The following TNFRSF18 variants were observed in gnomAD, a reference collection of about 807,000 sequenced individuals.
TNFRSF18 encodes TNF receptor superfamily member 18, also known as tumor necrosis factor receptor superfamily member 18.
A neutral mutation model predicts 30.2 loss-of-function variants in TNFRSF18; 36 were observed. The ratio of observed to expected loss-of-function variants is 1.19; its 90% confidence interval spans 0.91 to 1.58. The LOEUF is 1.58. TNFRSF18 is among the 40% of genes most tolerant of loss of function. The pLI, the probability that TNFRSF18 is intolerant of heterozygous loss-of-function variation, is 0.00. For missense variants in TNFRSF18, 369 were observed against 345.4 expected (o/e 1.07, Z -0.54); for synonymous variants, 173 against 158.3 (o/e 1.09, Z -0.70).
At chr1:1,205,243 G>A in intron 2 of TNFRSF18, 127 bp downstream of exon 2, 3 of 1,420,262 alleles carry the variant, frequency 2.1e-6, no homozygotes, top group South Asian at 1.3e-5. Flanking sequence ...GGCCTGCCCG[G>A]CCTCACAGGA....
At chr1:1,205,768 C>A in intron 1 of TNFRSF18, 1 of 465,944 alleles carries the variant, frequency 2.1e-6, no homozygotes, top group South Asian at 2.3e-5. Context: ...CCCTGCAGGA[C>A]CCAGGGGTGG....
rs1243848392 is a variant in TNFRSF18 at position 1,203,798 on chromosome 1, T to C, written c.*46A>G. The C allele has an allele frequency of 6.4e-7, 1 of 1,573,830 alleles. No homozygotes were observed. Among genetic ancestry groups the C allele is most frequent in the Admixed American group, 1.8e-5 (1 of 56,184 alleles). ...GAGCCCCTGCGGCCTGGGGAGCTCC[T>C]GGGGAGGGGCTGGCTGCGGTCGGTG... On this transcript the variant is annotated 3_prime_UTR_variant, in exon 5 of 5. Transcript: ENST00000379268.
Position 1,203,661 on chromosome 1 carries a change from C to A in TNFRSF18, c.*183G>T. 1 of 1,549,668 alleles carries A rather than the reference C, an allele frequency of 6.5e-7. No homozygotes were observed. Among genetic ancestry groups the A allele is most frequent in the Non-Finnish European group, 8.7e-7 (1 of 1,155,698 alleles). On this transcript the variant is annotated 3_prime_UTR_variant, in exon 5 of 5. Transcript: ENST00000379268. Reference sequence around the variant, plus strand: ...TGACTGTGTCTCTCTCTCCCTCCTGCAGGGCCCAGCCGCGGCCGCCGAACT... The same window carrying A: ...TGACTGTGTCTCTCTCTCCCTCCTGAAGGGCCCAGCCGCGGCCGCCGAACT...
In TNFRSF18 at chr1:1,204,447, G is replaced by A. The variant is rs201425967; in HGVS notation, c.350C>T (p.Ser117Leu). ...SFGFQCIDCA[S>L]GTFSGGHEGH... ...TTCGTGGCCCCCGGAGAAGGTCCCC[G>A]AGGCACAGTCGATACACTGGAAGCC... is the stretch of plus-strand genomic sequence containing the variant. The change falls in exon 3 of 5, where the codon TCG (serine) becomes TTG (leucine). Residue 117 changes from serine (S) to leucine (L), a missense_variant. Ser to Leu is a moderately radical substitution (Grantham distance 145). Coordinates refer to ENST00000379268, the MANE Select transcript of TNFRSF18 (RefSeq NM_004195.3). 1.6e-5 allele frequency: 25 copies of A among 1,612,280 alleles called. No homozygotes were observed. The highest frequency in any genetic ancestry group is 5.3e-5 in the African/African-American group (4 of 74,974).
At chr1:1,204,299 T>C in intron 3 of TNFRSF18, 63 bp from the exon 4 acceptor site, 2 of 1,591,818 alleles carry the variant, frequency 1.3e-6, no homozygotes, top group African/African-American at 2.7e-5. Flanking sequence ...AGCCCCCGGC[T>C]GCTGCCCTCC....
Position 1,203,715 on chromosome 1 carries a change from C to A in TNFRSF18, c.*129G>T. On this transcript the variant is annotated 3_prime_UTR_variant, in exon 5 of 5. Coordinates refer to ENST00000379268, the MANE Select transcript of TNFRSF18 (RefSeq NM_004195.3). ...TGGTCCAGGGCGCTGGTCACTGCCA[C>A]CTTCCTGCACCCACTTCTGCTGCCA... is the stretch of plus-strand genomic sequence containing the variant. 1 of 1,561,416 alleles carries A rather than the reference C, an allele frequency of 6.4e-7. No individual in the cohort carries two copies. The highest frequency in any genetic ancestry group is 1.2e-5 in the South Asian group (1 of 85,630).
Position 1,206,463 on chromosome 1 carries a change from C to A in TNFRSF18, c.109G>T (p.Gly37Trp). The A allele has an allele frequency of 6.5e-7, 1 of 1,546,862 alleles. No individual in the cohort carries two copies. The highest frequency in any genetic ancestry group is 8.7e-7 in the Non-Finnish European group (1 of 1,145,952). Residue 37 changes from glycine (G) to tryptophan (W), a missense_variant, in exon 1 of 5, where the codon GGG becomes TGG. Gly to Trp is a radical substitution (Grantham distance 184, BLOSUM62 -2). Coordinates refer to ENST00000379268, the MANE Select transcript of TNFRSF18 (RefSeq NM_004195.3). ...RPTGGPGCGP[G>W]RLLLGTGTDA... ...GTTCCCGTCCCAAGCAGGAGGCGCC[C>A]AGGGCCGCACCCGGGACCCCCGGTG...
Position 1,204,104 on chromosome 1 carries a change from G to T in TNFRSF18, c.531C>A (p.Val177=). Residue 177 remains valine (V), a synonymous_variant, in exon 4 of 5, where the codon GTC becomes GTA. Coordinates refer to ENST00000379268, the MANE Select transcript of TNFRSF18 (RefSeq NM_004195.3). ...CAAGCTGGGCCGAGGTCAGGAGGAG[G>T]ACGCAGGCGGCCACGGCCAGGAGGA... ...TVVLLAVAAC[V]LLLTSAQLGL... is the part of the protein sequence containing the mutation. 2 of 1,610,118 alleles carry T rather than the reference G, an allele frequency of 1.2e-6. No individual in the cohort carries two copies. Among genetic ancestry groups the T allele is most frequent in the Non-Finnish European group, 1.7e-6 (2 of 1,178,836 alleles).
intron 1 of TNFRSF18, among the ~76,000 whole-genome samples, chr1:1,206,111 C>G (rs530252652): frequency 1.1e-3 from 175 of 152,312 alleles, no homozygotes; most frequent in Non-Finnish European, 2.1e-3. Context: ...CTGGAACAGC[C>G]GTCCTCCACC....
intron 1 of TNFRSF18, among the ~76,000 whole-genome samples, chr1:1,205,995 G>A (rs1237869286): frequency 3.3e-5 from 5 of 152,238 alleles, no homozygotes; most frequent in African/African-American, 9.6e-5. Flanking sequence ...ATCCCCAGGT[G>A]CAGGTCAGAG....
chr1:1,205,681 G>T, intron 1 of TNFRSF18, 189 bp from the exon 2 acceptor site: 1 of 638,306 alleles, frequency 1.6e-6, no homozygotes, highest in Non-Finnish European at 2.7e-6. Flanking sequence ...CTGGGGCCAT[G>T]TGGCCTGGCT....
Position 1,204,444 on chromosome 1 carries a change from C to T in TNFRSF18, c.353G>A (p.Gly118Glu), listed in dbSNP as rs918841190. 4 of 1,612,698 alleles carry T rather than the reference C, an allele frequency of 2.5e-6. No homozygotes were observed. The highest frequency in any genetic ancestry group is 1.1e-5 in the South Asian group (1 of 91,076). ...FGFQCIDCAS[G>E]TFSGGHEGHC... is the part of the protein sequence containing the mutation. ...GCCTTCGTGGCCCCCGGAGAAGGTCCCCGAGGCACAGTCGATACACTGGAA... is the reference window on the plus strand; with the variant it reads ...GCCTTCGTGGCCCCCGGAGAAGGTCTCCGAGGCACAGTCGATACACTGGAA... The change falls in exon 3 of 5, where the codon GGG becomes GAG. Residue 118 changes from glycine to glutamate, a missense_variant. Gly to Glu is a moderately conservative substitution (Grantham distance 98). Transcript: ENST00000379268.
intron 1 of TNFRSF18, 47 bp from the exon 2 acceptor site, chr1:1,205,539 C>G (rs767059144): frequency 1.3e-6 from 2 of 1,590,970 alleles, no homozygotes; most frequent in Admixed American, 3.4e-5. Flanking sequence ...CTGAGGCCCC[C>G]TCCTCCCCAG....
In TNFRSF18 at chr1:1,206,444, G is replaced by T. The variant is rs11466676; in HGVS notation, c.128C>A (p.Thr43Lys). The part of the protein sequence containing the change: ...GCGPGRLLLG[T>K]GTDARCCRVH... The stretch of plus-strand genomic sequence containing the variant: ...CCGGCAGCAGCGCGCGTCCGTTCCC[G>T]TCCCAAGCAGGAGGCGCCCAGGGCC... The change falls in exon 1 of 5, where the codon ACG becomes AAG. Residue 43 changes from threonine (T) to lysine (K), a missense_variant. Transcript: ENST00000379268. 43 of 1,547,262 alleles carry T rather than the reference G, an allele frequency of 2.8e-5. No individual in the cohort carries two copies. Among genetic ancestry groups the T allele is most frequent in the Non-Finnish European group, 3.6e-5 (41 of 1,146,220 alleles).
chr1:1,206,312 G>T lies in TNFRSF18; in HGVS notation c.187+73C>A, dbSNP rs867851792. ...GCAACGCCGGTCTGAGCACGGGAAG[G>T]GGGGCGCCCACCCATCCCGGCTTCC... On this transcript the variant is annotated intron_variant, in intron 1 of 4. Transcript: ENST00000379268. 1.0e-4 allele frequency: 155 copies of T among 1,499,002 alleles called. No individual in the cohort carries two copies. The Middle Eastern group carries it at 1.9e-3, about 18-fold the overall frequency. 92.9% of individuals were successfully genotyped at this position (1,499,002 alleles called of 1,614,324 possible). A position where few individuals can be genotyped will look rare whatever the true frequency, so the allele number is the denominator to read the frequency against.
At chr1:1,206,262 CTG>C (rs1048322914) in intron 1 of TNFRSF18, 121 bp downstream of exon 1, 5 of 1,160,116 alleles carry the variant, frequency 4.3e-6, no homozygotes, top group Non-Finnish European at 4.8e-6. Flanking sequence ...GCTGGCGGCT[CTG>C]TGCCCACCCT....
chr1:1,206,248 C>CGCT, intron 1 of TNFRSF18, 137 bp downstream of exon 1: 4 of 1,023,566 alleles, frequency 3.9e-6, no homozygotes, highest in Non-Finnish European at 5.6e-6. Context: ...GGAAGGCTCC[C>CGCT]GCTGCTGGCG....
At chr1:1,206,363 T>C (rs1381636655) in intron 1 of TNFRSF18, 22 bp downstream of exon 1, 1 of 1,544,696 alleles carries the variant, frequency 6.5e-7, no homozygotes, top group South Asian at 1.2e-5. Flanking sequence ...CGGTCCGCGT[T>C]AAGTAAACGC....
chr1:1,204,356 G>T, intron 3 of TNFRSF18, 43 bp downstream of exon 3: 1 of 1,605,844 alleles, frequency 6.2e-7, no homozygotes, highest in Admixed American at 1.7e-5. Flanking sequence ...CTCAGAGTGG[G>T]CCTGGACCAC....
Sources: allele counts gnomAD v4.1 joint callset (sites outside exome capture counted in the v4.1 genomes callset), GRCh38; gene constraint gnomAD v4.1.1; transcripts MANE v1.5; gene names NCBI Gene and HGNC (gene_info 2026-07-23, HGNC 2026-07-21).